The following FAM20C variants were observed in gnomAD, a reference collection of about 807,000 sequenced individuals.
The protein encoded by FAM20C is FAM20C golgi associated secretory pathway kinase.
A neutral mutation model predicts 51.5 loss-of-function variants in FAM20C; 40 were observed. The ratio of observed to expected loss-of-function variants is 0.78; its 90% confidence interval spans 0.60 to 1.01. The LOEUF is 1.01. FAM20C is among the 50% of genes least tolerant of loss of function. The probability of loss-of-function intolerance (pLI) is 0.00; values close to 1 mark genes in which losing one functional copy is unlikely to be tolerated. For synonymous variants in FAM20C, 406 were observed against 380.6 expected, an observed-to-expected ratio of 1.07 and a Z score of -0.78; for missense variants, 861 against 844.7, an observed-to-expected ratio of 1.02 and a Z score of -0.24.
chr7:217,404 T>G (rs1787042679), intron 3 of FAM20C, among the ~76,000 whole-genome samples: 1 of 152,388 alleles, frequency 6.6e-6, no homozygotes, highest in Non-Finnish European at 1.5e-5. Context: ...CCCTCCCGGG[T>G]GCCCCCCTTT....
intron 3 of FAM20C, among the ~76,000 whole-genome samples, chr7:241,815 C>G (rs1787955829): frequency 6.6e-6 from 1 of 151,402 alleles, no homozygotes; most frequent in Non-Finnish European, 1.5e-5. Flanking sequence ...GAATGTGCAT[C>G]TGTGTGTGTG....
intron 3 of FAM20C, among the ~76,000 whole-genome samples, chr7:214,080 C>A (rs1786850759): frequency 6.6e-6 from 1 of 152,206 alleles, no homozygotes; most frequent in Non-Finnish European, 1.5e-5. Flanking sequence ...AATCCCAGCA[C>A]TTTGGGAGGC....
rs764403309 is a variant in FAM20C at position 259,868 on chromosome 7, G to A, written c.1643G>A (p.Arg548Gln). ...LYQPHLEALD[R>Q]RLRVVLKAVR... ...CAGCCGCACCTGGAGGCCCTGGACC[G>A]GCGGCTCCGCGTCGTGCTAAAGGCC... Residue 548 changes from arginine to glutamine, a missense_variant, in exon 10 of 10, where the codon CGG becomes CAG. By Grantham distance (43) the Arg-to-Gln change is conservative. This residue lies in a region of FAM20C where 269 missense variants were observed against 283.8 expected (regional missense o/e 0.95). Coordinates refer to ENST00000313766, the MANE Select transcript of FAM20C (RefSeq NM_020223.4). 2.0e-5 allele frequency: 31 copies of A among 1,536,146 alleles called. No individual in the cohort carries two copies. Among genetic ancestry groups the A allele is most frequent in the East Asian group, 9.8e-5 (4 of 40,922 alleles).
chr7:258,156 AT>A (rs1562401503), intron 8 of FAM20C, among the ~76,000 whole-genome samples: 4 of 110,996 alleles, frequency 3.6e-5, no homozygotes, highest in African/African-American at 1.4e-4. Context: ...GGTGCTGGAG[AT>A]AGGCAGGGTG....
intron 3 of FAM20C, among the ~76,000 whole-genome samples, chr7:235,483 C>G (rs1427972228): frequency 6.6e-6 from 1 of 152,104 alleles, no homozygotes; most frequent in Non-Finnish European, 1.5e-5. Flanking sequence ...AAGTTCTATT[C>G]CACCCTGCAC....
At chr7:241,836 C>T (rs977489443) in intron 3 of FAM20C, among the ~76,000 whole-genome samples, 255 of 147,966 alleles carry the variant, frequency 1.7e-3, no homozygotes, top group Non-Finnish European at 2.9e-3. Flanking sequence ...CCCGTGTGTA[C>T]GTTTGTGAGC....
At chr7:246,748 C>G (rs974198956) in intron 4 of FAM20C, among the ~76,000 whole-genome samples, 1 of 151,800 alleles carries the variant, frequency 6.6e-6, no homozygotes, top group African/African-American at 2.4e-5. Context: ...CGAGTGCTGC[C>G]CTGAGCAGGG....
chr7:193,431 G>T lies in FAM20C; in HGVS notation c.232G>T (p.Gly78Cys). Residue 78 changes from glycine to cysteine, a missense_variant, in exon 1 of 10, where the codon GGC becomes TGC. Physicochemically the swap from Gly to Cys is radical, Grantham distance 159. Coordinates refer to ENST00000313766, the MANE Select transcript of FAM20C (RefSeq NM_020223.4). ...GEPPAASSAAGDAGWPNKHTL... is the reference protein window; with the variant it reads ...GEPPAASSAACDAGWPNKHTL... ...GCCCCCGGCCGCCTCCTCCGCCGCC[G>T]GCGACGCGGGCTGGCCCAACAAGCA... 1 of 1,420,402 alleles carries T rather than the reference G, an allele frequency of 7.0e-7. No homozygotes were observed. Among genetic ancestry groups the T allele is most frequent in the South Asian group, 1.4e-5 (1 of 69,164 alleles). 88.0% of individuals were successfully genotyped at this position (1,420,402 alleles called of 1,614,324 possible).
At chr7:243,919 AAAT>A (rs769426964) in intron 3 of FAM20C, among the ~76,000 whole-genome samples, 19 of 142,472 alleles carry the variant, frequency 1.3e-4, no homozygotes, top group East Asian at 6.1e-4. Context: ...TTTCTAAAGA[AAAT>A]AATAATAATA....
At chr7:199,830 C>G (rs912769278) in intron 2 of FAM20C, among the ~76,000 whole-genome samples, 1 of 152,190 alleles carries the variant, frequency 6.6e-6, no homozygotes, top group African/African-American at 2.4e-5. Flanking sequence ...AAATTTCTAT[C>G]ATGCACAATT....
chr7:204,007 A>C (rs528327618), intron 2 of FAM20C, among the ~76,000 whole-genome samples: 1 of 152,362 alleles, frequency 6.6e-6, no homozygotes, highest in East Asian at 1.9e-4. Context: ...TTCATTGCAG[A>C]AACTTAGAAA....
chr7:232,405 C>A (rs1482121593), intron 3 of FAM20C, among the ~76,000 whole-genome samples: 2 of 152,212 alleles, frequency 1.3e-5, no homozygotes, highest in Admixed American at 1.3e-4. Context: ...ACAGAGCAAC[C>A]CTCACACCTG....
chr7:209,318 AGCAG>A (rs1371017195), intron 3 of FAM20C, among the ~76,000 whole-genome samples: 1 of 152,228 alleles, frequency 6.6e-6, no homozygotes, highest in East Asian at 1.9e-4. Context: ...GCACCTTCCC[AGCAG>A]GCCTCCGGAG....
intron 3 of FAM20C, chr7:228,910 C>G (rs778462066): frequency 4.7e-6 from 2 of 421,560 alleles, no homozygotes; most frequent in African/African-American, 2.0e-5. Flanking sequence ...AAACTCAGCA[C>G]TGGGAGCCCC....
chr7:245,008 G>A (rs1432930918), intron 3 of FAM20C, among the ~76,000 whole-genome samples: 6 of 152,234 alleles, frequency 3.9e-5, no homozygotes, highest in Admixed American at 6.5e-5. Flanking sequence ...TGACCCAGAC[G>A]TGGTCCCCCC....
chr7:195,436 A>G (rs1288991710), intron 1 of FAM20C, 118 bp from the exon 2 acceptor site: 4 of 999,400 alleles, frequency 4.0e-6, no homozygotes, highest in Middle Eastern at 3.1e-4. Flanking sequence ...CGCCTTCAAC[A>G]CATCTGCACT....
At position 225,989 on chromosome 7, in the gene FAM20C, G is replaced by A. The variant is rs1045041188; in HGVS notation, c.863+17013G>A. ...TGGCACCCTCATGGGGTCGCACGGC[G>A]GCTGTCCCCTGAGCCTTCTCTCATT... On this transcript the variant is annotated intron_variant, in intron 3 of 9. Transcript: ENST00000313766. 6.6e-5 allele frequency among the ~76,000 whole-genome samples: 10 copies of A among 151,502 alleles called. 2 individuals carry two copies. The South Asian group carries it at 8.3e-4, about 13-fold the overall frequency.
chr7:233,734 C>G (rs898327375), intron 3 of FAM20C, among the ~76,000 whole-genome samples: 2 of 152,192 alleles, frequency 1.3e-5, no homozygotes, highest in Non-Finnish European at 2.9e-5. Flanking sequence ...CTGTGCCTCC[C>G]GCCACGCGAG....
rs907819331 is a variant in FAM20C at position 216,998 on chromosome 7, G to A, written c.863+8022G>A. Among the ~76,000 whole-genome samples the A allele has an allele frequency of 2.6e-5, 4 of 152,090 alleles. No homozygotes were observed. The East Asian group carries it at 5.8e-4, about 22-fold the overall frequency. On this transcript the variant is annotated intron_variant, in intron 3 of 9. Coordinates refer to ENST00000313766, the MANE Select transcript of FAM20C (RefSeq NM_020223.4). Reference sequence around the variant, plus strand: ...GAACGGCCTCATCCCAAGCAGCATCGTACTGGCGTGAAGAGGCCCTGTGTC... The same window carrying A: ...GAACGGCCTCATCCCAAGCAGCATCATACTGGCGTGAAGAGGCCCTGTGTC...
Sources: allele counts gnomAD v4.1 joint callset (sites outside exome capture counted in the v4.1 genomes callset), GRCh38; gene constraint gnomAD v4.1.1; regional missense constraint gnomAD v4.1.1; transcripts MANE v1.5; gene names NCBI Gene and HGNC (gene_info 2026-07-23, HGNC 2026-07-21).